STOM: variants seen among roughly 807,000 people sequenced by gnomAD.
STOM encodes the protein erythrocyte band 7 integral membrane protein.
A neutral mutation model predicts 30.6 loss-of-function variants in STOM; 25 were observed. That is an observed-to-expected ratio of 0.82 (90% CI 0.60 to 1.14). The LOEUF (loss-of-function observed/expected upper bound fraction) is 1.14. STOM is among the 50% of genes most tolerant of loss of function. STOM has a pLI of 0.00. For synonymous variants in STOM, 118 were observed against 130.8 expected (o/e 0.90, Z 0.67); for missense variants, 292 against 365.2 (o/e 0.80, Z 1.63).
In STOM at chr9:121,340,717, T is replaced by G; in HGVS notation, c.*485A>C. 1 of 984,544 alleles carries G rather than the reference T, an allele frequency of 1.0e-6. No individual in the cohort carries two copies. The highest frequency in any genetic ancestry group is 1.2e-6 in the Non-Finnish European group (1 of 829,026). The allele number at this position is 984,544 out of a possible 1,614,324, so 61.0% of individuals were successfully genotyped here. ...GTGAGCCGAGATCATGCTATTGCAC[T>G]CCAGCCTGGGCAACAAGAGTGAAAC... is the stretch of plus-strand genomic sequence containing the variant. On this transcript the variant is annotated 3_prime_UTR_variant, in exon 7 of 7. Transcript: ENST00000286713.
At chr9:121,342,521 A>G (rs978281453) in intron 6 of STOM, among the ~76,000 whole-genome samples, 1 of 152,208 alleles carries the variant, frequency 6.6e-6, no homozygotes, top group African/African-American at 2.4e-5. Flanking sequence ...GACAAAATGT[A>G]TGTTAGGAAA....
At chr9:121,347,152 C>A (rs975323233) in intron 6 of STOM, among the ~76,000 whole-genome samples, 1 of 152,184 alleles carries the variant, frequency 6.6e-6, no homozygotes, top group African/African-American at 2.4e-5. Context: ...GACATCTAAA[C>A]CTGGGAGCTA....
chr9:121,369,667 G>T (rs1442017401), intron 1 of STOM, among the ~76,000 whole-genome samples: 2 of 152,152 alleles, frequency 1.3e-5, no homozygotes, highest in African/African-American at 4.8e-5. Context: ...AGGTGGGATT[G>T]GGGGAGGAGG....
At chr9:121,348,253 T>C (rs987129280) in intron 5 of STOM, 104 bp from the exon 6 acceptor site, 2 of 1,521,360 alleles carry the variant, frequency 1.3e-6, no homozygotes, top group Non-Finnish European at 1.8e-6. Flanking sequence ...CTGGGGAGAG[T>C]TGTGGAGAGA....
intron 5 of STOM, among the ~76,000 whole-genome samples, 157 bp downstream of exon 5, chr9:121,348,963 T>G (rs528105569): frequency 1.3e-5 from 2 of 151,980 alleles, no homozygotes; most frequent in Non-Finnish European, 2.9e-5. Context: ...ATGTGAAAAA[T>G]GTCCCCTCCT....
chr9:121,363,738 G>A (rs937353156), intron 1 of STOM, among the ~76,000 whole-genome samples: 11 of 152,168 alleles, frequency 7.2e-5, no homozygotes, highest in South Asian at 2.1e-4. Flanking sequence ...GCTGTTACAC[G>A]CTGTTCCTGT....
intron 5 of STOM, among the ~76,000 whole-genome samples, chr9:121,348,675 G>A (rs983213110): frequency 6.6e-6 from 1 of 152,156 alleles, no homozygotes; most frequent in African/African-American, 2.4e-5. Flanking sequence ...CCACGATGAA[G>A]TCTATACAAA....
chr9:121,367,017 G>A (rs2064510810), intron 1 of STOM, among the ~76,000 whole-genome samples: 1 of 152,016 alleles, frequency 6.6e-6, no homozygotes, highest in Non-Finnish European at 1.5e-5. Context: ...AGGCTACAGT[G>A]AGCTATGACT....
chr9:121,361,465 T>A (rs1245295788), intron 1 of STOM, among the ~76,000 whole-genome samples: 1 of 141,602 alleles, frequency 7.1e-6, no homozygotes, highest in Non-Finnish European at 1.5e-5. Context: ...CTCGGCTCAC[T>A]GCAAGCTCTG....
intron 5 of STOM, 40 bp from the exon 6 acceptor site, chr9:121,348,189 C>T (rs770233666): frequency 2.5e-6 from 4 of 1,613,392 alleles, no homozygotes; most frequent in Admixed American, 1.7e-5. Flanking sequence ...CTCCTCAGCC[C>T]AGCCCAGATG....
intron 6 of STOM, among the ~76,000 whole-genome samples, chr9:121,343,426 C>T (rs896625162): frequency 8.5e-5 from 13 of 152,138 alleles, no homozygotes; most frequent in African/African-American, 3.1e-4. Flanking sequence ...CCTTCTTCAG[C>T]TCCTGGTCAG....
chr9:121,351,801 C>T (rs986223614), intron 4 of STOM, among the ~76,000 whole-genome samples: 5 of 152,222 alleles, frequency 3.3e-5, no homozygotes, highest in African/African-American at 1.2e-4. Flanking sequence ...CCATGAGTTT[C>T]ATCTATGATA....
At chr9:121,367,341 C>T (rs1033980558) in intron 1 of STOM, among the ~76,000 whole-genome samples, 1 of 152,094 alleles carries the variant, frequency 6.6e-6, no homozygotes, top group Admixed American at 6.5e-5. Flanking sequence ...CAGTGACTGT[C>T]TTTTACTAGG....
intron 4 of STOM, among the ~76,000 whole-genome samples, chr9:121,350,986 C>T (rs1467309492): frequency 6.6e-6 from 1 of 152,128 alleles, no homozygotes; most frequent in Non-Finnish European, 1.5e-5. Context: ...AAATTCTTGC[C>T]ACTTTGACTT....
At position 121,339,561 on chromosome 9, in the gene STOM, G is replaced by C. The variant is rs925083540; in HGVS notation, c.*1641C>G. 2 of 1,230,874 alleles carry C rather than the reference G, an allele frequency of 1.6e-6. No homozygotes were observed. Among genetic ancestry groups the C allele is most frequent in the African/African-American group, 3.1e-5 (2 of 64,380 alleles). The allele number at this position is 1,230,874 out of a possible 1,614,324, so 76.2% of individuals were successfully genotyped here. A position where few individuals can be genotyped will look rare whatever the true frequency, so the allele number is the denominator to read the frequency against. On this transcript the variant is annotated 3_prime_UTR_variant, in exon 7 of 7. Transcript: ENST00000286713. ...ATGGACAGAGTGGTTGAGCTAAAGA[G>C]AGCTATAAAGGCTCGTGCTGGGAAA...
At chr9:121,345,330 G>A (rs1269134276) in intron 6 of STOM, among the ~76,000 whole-genome samples, 1 of 152,104 alleles carries the variant, frequency 6.6e-6, no homozygotes, top group African/African-American at 2.4e-5. Flanking sequence ...CCCACACTTG[G>A]TTCTTTTCCG....
rs113522270 is a variant in STOM at position 121,345,867 on chromosome 9, T to C, written c.660+2148A>G. The stretch of plus-strand genomic sequence containing the variant: ...AGAGGGGAATTCTAATTTCCACTGC[T>C]ACTAATCAACTGTGCGACCTTGCGG... On this transcript the variant is annotated intron_variant, in intron 6 of 6. Transcript: ENST00000286713. Among the ~76,000 whole-genome samples, 647 of 152,350 alleles carry C rather than the reference T, an allele frequency of 4.2e-3. 4 individuals are homozygous for C. The highest frequency in any genetic ancestry group is 0.015 in the African/African-American group (616 of 41,590).
chr9:121,348,297 G>T (rs553393300), intron 5 of STOM, 148 bp from the exon 6 acceptor site: 1 of 1,130,266 alleles, frequency 8.8e-7, no homozygotes, highest in Non-Finnish European at 1.3e-6. Flanking sequence ...TGGTGACGCA[G>T]GGGCTGGCTC....
chr9:121,341,374 C>T lies in STOM; in HGVS notation c.695G>A (p.Arg232Lys). ...IAAEGEMNAS[R>K]ALKEASMVIT... ...GACCATGGAGGCTTCTTTCAGAGCCCTGGATGCATTCATTTCTCCTTCGGC... is the reference window on the plus strand; with the variant it reads ...GACCATGGAGGCTTCTTTCAGAGCCTTGGATGCATTCATTTCTCCTTCGGC... Residue 232 changes from arginine (R) to lysine (K), a missense_variant, in exon 7 of 7, where the codon AGG (arginine) becomes AAG (lysine). By Grantham distance (26) the Arg-to-Lys change is conservative. Transcript: ENST00000286713. 1 of 1,613,698 alleles carries T rather than the reference C, an allele frequency of 6.2e-7. No individual in the cohort carries two copies.
Sources: gnomAD v4.1 joint callset for allele counts (sites outside exome capture counted in the v4.1 genomes callset) on GRCh38, gnomAD v4.1.1 for gene constraint, MANE v1.5 for transcripts, NCBI Gene and HGNC (gene_info 2026-07-23, HGNC 2026-07-21) for gene names.